The following TMEM62 variants were observed in gnomAD, a reference collection of about 807,000 sequenced individuals.
The protein encoded by TMEM62 is transmembrane protein 62.
A neutral mutation model predicts 70.4 loss-of-function variants in TMEM62; 41 were observed. The ratio of observed to expected loss-of-function variants is 0.58; its 90% CI spans 0.45 to 0.76. The LOEUF (loss-of-function observed/expected upper bound fraction) is 0.76, where lower values mean the gene tolerates loss of function less well. TMEM62 is among the 30% of genes least tolerant of loss of function. TMEM62 has a pLI of 0.00. For missense variants in TMEM62, 688 were observed against 788.5 expected (o/e 0.87, Z 1.53); for synonymous variants, 268 against 291.0 (o/e 0.92, Z 0.80).
At chr15:43,142,090 A>G (rs1173614867) in intron 4 of TMEM62, among the ~76,000 whole-genome samples, 2 of 152,216 alleles carry the variant, frequency 1.3e-5, no homozygotes, top group East Asian at 3.8e-4. Flanking sequence ...TGATAAAGCA[A>G]TAACAGTGTT....
chr15:43,182,197 A>T (rs530815133), intron 13 of TMEM62, among the ~76,000 whole-genome samples: 169 of 152,322 alleles, frequency 1.1e-3, no homozygotes, highest in Admixed American at 3.1e-3. Context: ...TTTATCTAAC[A>T]GTTTCTTTAT....
At chr15:43,171,999 A>G (rs542461582) in intron 11 of TMEM62, among the ~76,000 whole-genome samples, 73 of 152,278 alleles carry the variant, frequency 4.8e-4, no homozygotes, top group South Asian at 4.3e-3. Context: ...GAACTGTTAT[A>G]TATTAACATC....
intron 13 of TMEM62, 89 bp from the exon 14 acceptor site, chr15:43,184,171 G>A (rs1042125967): frequency 1.7e-6 from 2 of 1,157,558 alleles, no homozygotes; most frequent in Non-Finnish European, 2.5e-6. Flanking sequence ...ACAGATAGCA[G>A]CATAGTCTTA....
At chr15:43,143,933 TG>T in intron 4 of TMEM62, among the ~76,000 whole-genome samples, 1 of 152,222 alleles carries the variant, frequency 6.6e-6, no homozygotes, top group East Asian at 1.9e-4. Flanking sequence ...CATGAGTTAA[TG>T]TTAAAAATTT....
intron 9 of TMEM62, among the ~76,000 whole-genome samples, chr15:43,157,433 A>G (rs1043608330): frequency 6.6e-6 from 1 of 152,208 alleles, no homozygotes; most frequent in Non-Finnish European, 1.5e-5. Flanking sequence ...AACATTAGAA[A>G]AATCTAGATT....
In TMEM62 at chr15:43,148,738, T is replaced by C; in HGVS notation, c.619-17T>C. The stretch of plus-strand genomic sequence containing the variant: ...TGAGCCCTAATTTAAGATCCTTCCA[T>C]TTTTCTCCCATCTCAGAAAAAGATG... On this transcript the variant is annotated splice_polypyrimidine_tract_variant and intron_variant, in intron 5 of 13. Transcript: ENST00000260403. 1 of 1,609,310 alleles carries C rather than the reference T, an allele frequency of 6.2e-7. No individual in the cohort carries two copies. Among genetic ancestry groups the C allele is most frequent in the Non-Finnish European group, 8.5e-7 (1 of 1,178,796 alleles).
chr15:43,147,799 G>A (rs867919994), intron 5 of TMEM62, among the ~76,000 whole-genome samples: 1 of 152,158 alleles, frequency 6.6e-6, no homozygotes, highest in Non-Finnish European at 1.5e-5. Context: ...CAAGGATCAT[G>A]TACATGAAAA....
intron 5 of TMEM62, 33 bp from the exon 6 acceptor site, chr15:43,148,722 A>G (rs2036979568): frequency 1.2e-6 from 2 of 1,604,784 alleles, no homozygotes; most frequent in East Asian, 4.5e-5. Context: ...CTGAGCCCTA[A>G]TTTAAGATCC....
At chr15:43,154,450 G>A (rs1280382005) in intron 8 of TMEM62, among the ~76,000 whole-genome samples, 2 of 152,068 alleles carry the variant, frequency 1.3e-5, no homozygotes, top group African/African-American at 4.8e-5. Context: ...AAAAGTAAAA[G>A]AATAGTTCCG....
intron 3 of TMEM62, among the ~76,000 whole-genome samples, 173 bp from the exon 4 acceptor site, chr15:43,138,401 C>T (rs543861509): frequency 4.6e-5 from 7 of 152,286 alleles, no homozygotes; most frequent in East Asian, 1.9e-4. Context: ...GGATGTGCCC[C>T]TCTCCTAGTC....
intron 10 of TMEM62, 32 bp from the exon 11 acceptor site, chr15:43,169,561 T>C: frequency 6.3e-7 from 1 of 1,581,394 alleles, no homozygotes; most frequent in Non-Finnish European, 8.7e-7. Context: ...TACCCATGTA[T>C]CTATTTCACG....
intron 10 of TMEM62, among the ~76,000 whole-genome samples, chr15:43,163,065 G>A (rs1164295254): frequency 1.3e-5 from 2 of 151,356 alleles, no homozygotes; most frequent in East Asian, 1.9e-4. Flanking sequence ...TTTCTTAAAT[G>A]AGTAAATGGG....
intron 2 of TMEM62, among the ~76,000 whole-genome samples, chr15:43,134,649 T>A (rs2034950253): frequency 6.6e-6 from 1 of 152,344 alleles, no homozygotes. Flanking sequence ...TATATTTGTA[T>A]CTGGTTTTTG....
intron 12 of TMEM62, 147 bp downstream of exon 12, chr15:43,178,858 C>A: frequency 1.9e-6 from 1 of 519,804 alleles, no homozygotes; most frequent in Non-Finnish European, 3.3e-6. Flanking sequence ...GAAAATAAAG[C>A]TCGTGCCTAA....
chr15:43,145,103 C>A (rs866688327), intron 4 of TMEM62, among the ~76,000 whole-genome samples: 4,207 of 109,230 alleles, frequency 0.039, no homozygotes, highest in Non-Finnish European at 0.041. Context: ...GACTCCGTCT[C>A]AAAAAAAAAA....
At chr15:43,143,694 C>A (rs1287075594) in intron 4 of TMEM62, among the ~76,000 whole-genome samples, 1 of 152,186 alleles carries the variant, frequency 6.6e-6, no homozygotes, top group Non-Finnish European at 1.5e-5. Flanking sequence ...ATCTTTTCAT[C>A]CTGTGTCATA....
At chr15:43,156,035 A>AACACAC (rs201926090) in intron 9 of TMEM62, among the ~76,000 whole-genome samples, 19 of 149,886 alleles carry the variant, frequency 1.3e-4, no homozygotes, top group African/African-American at 4.6e-4. Context: ...TAGTTTCTTA[A>AACACAC]ACACACACAC....
chr15:43,173,712 A>C (rs947811869), intron 11 of TMEM62, among the ~76,000 whole-genome samples: 6 of 152,162 alleles, frequency 3.9e-5, no homozygotes, highest in African/African-American at 4.8e-5. Context: ...TCCAGGTCAT[A>C]ATGAGCTCTT....
chr15:43,134,053 G>A, intron 1 of TMEM62, 71 bp downstream of exon 1: 1 of 1,439,128 alleles, frequency 6.9e-7, no homozygotes, highest in Non-Finnish European at 9.1e-7. Flanking sequence ...CCTTGCGGGT[G>A]TTGGGCCCCA....
Sources: allele counts gnomAD v4.1 joint callset (sites outside exome capture counted in the v4.1 genomes callset), GRCh38; gene constraint gnomAD v4.1.1; transcripts MANE v1.5; gene names NCBI Gene and HGNC (gene_info 2026-07-23, HGNC 2026-07-21).